CSMD1: variants seen among roughly 807,000 people sequenced by gnomAD.
The protein encoded by CSMD1 is CUB and sushi domain-containing protein 1.
A neutral mutation model predicts 417.5 loss-of-function variants in CSMD1; 213 were observed. The observed-to-expected ratio is 0.51, with a 90% CI of 0.46 to 0.57. The LOEUF is 0.57. Among genes scored for constraint, CSMD1 ranks in the 20% least tolerant of loss-of-function variants. CSMD1 has a pLI of 0.00. For synonymous variants in CSMD1, 2,862 were observed against 1,736.8 expected (o/e 1.65, Z -16.11); for missense variants, 6,923 against 4,529.7 (o/e 1.53, Z -15.17).
chr8:4,116,009 TTTATTTATGGAGAG>T (rs1802119832), intron 3 of CSMD1, among the ~76,000 whole-genome samples: 2 of 117,036 alleles, frequency 1.7e-5, no homozygotes, highest in African/African-American at 6.2e-5. Flanking sequence ...TATTTATTTA[TTTATTTATGGAGAG>T]GGAGTCTCAC....
chr8:2,979,191 G>A (rs1805193543), intron 54 of CSMD1, among the ~76,000 whole-genome samples: 1 of 151,986 alleles, frequency 6.6e-6, no homozygotes, highest in Non-Finnish European at 1.5e-5. Context: ...TGGCACACCA[G>A]TTAATTACCC....
intron 1 of CSMD1, among the ~76,000 whole-genome samples, chr8:4,751,073 T>C (rs754090239): frequency 6.6e-5 from 10 of 152,172 alleles, no homozygotes; most frequent in African/African-American, 2.4e-4. Flanking sequence ...AAGTTTGATA[T>C]ACATGTGCAT....
At chr8:3,428,897 G>A (rs191666923) in intron 12 of CSMD1, among the ~76,000 whole-genome samples, 1 of 152,326 alleles carries the variant, frequency 6.6e-6, no homozygotes, top group East Asian at 1.9e-4. Context: ...CAACACGGAT[G>A]AGCCTGAAGG....
intron 1 of CSMD1, among the ~76,000 whole-genome samples, chr8:4,772,205 T>C (rs1796636000): frequency 1.3e-5 from 2 of 152,132 alleles, no homozygotes; most frequent in African/African-American, 4.8e-5. Flanking sequence ...CGCATCATTC[T>C]CTGCTTCCAG....
In CSMD1 at chr8:3,951,078, G is replaced by C. The variant is rs149394908; in HGVS notation, c.818+46825C>G. On this transcript the variant is annotated intron_variant, in intron 5 of 69. Transcript: ENST00000635120. ...TTTCAACTATTTGAAAATAATACTT[G>C]AATTTTATACATTAATCTGAAAGAA... Among the ~76,000 whole-genome samples the C allele has an allele frequency of 2.0e-4, 30 of 152,304 alleles. No homozygotes were observed. In the East Asian group the frequency reaches 5.0e-3, roughly 26 times the overall value.
At chr8:4,803,970 T>C (rs1259338634) in intron 1 of CSMD1, among the ~76,000 whole-genome samples, 2 of 152,184 alleles carry the variant, frequency 1.3e-5, no homozygotes, top group Admixed American at 6.5e-5. Flanking sequence ...TACAGATGTA[T>C]CGTAAGTCAA....
chr8:4,893,041 G>C (rs1399595860), intron 1 of CSMD1, among the ~76,000 whole-genome samples: 1 of 152,118 alleles, frequency 6.6e-6, no homozygotes, highest in Non-Finnish European at 1.5e-5. Context: ...ATGTCAAACT[G>C]ACTTCCAGGA....
chr8:3,581,987 G>C (rs557638822), intron 9 of CSMD1, among the ~76,000 whole-genome samples: 3 of 152,270 alleles, frequency 2.0e-5, no homozygotes, highest in South Asian at 2.1e-4. Flanking sequence ...CAGAGACAGA[G>C]TTTCACTATG....
chr8:3,620,930 T>C (rs879827644), intron 7 of CSMD1, among the ~76,000 whole-genome samples: 36 of 152,166 alleles, frequency 2.4e-4, no homozygotes, highest in African/African-American at 7.5e-4. Flanking sequence ...TACCTCACAA[T>C]TGACTGTATT....
At chr8:3,620,553 G>C (rs1162267677) in intron 7 of CSMD1, among the ~76,000 whole-genome samples, 1 of 152,034 alleles carries the variant, frequency 6.6e-6, no homozygotes, top group Non-Finnish European at 1.5e-5. Context: ...AAGGATTGAA[G>C]TTTTCGTATA....
intron 25 of CSMD1, among the ~76,000 whole-genome samples, chr8:3,301,277 T>A (rs1413991046): frequency 6.6e-6 from 1 of 151,698 alleles, no homozygotes; most frequent in East Asian, 1.9e-4. Context: ...ACCTGGTGAG[T>A]TAGGAGGGTC....
chr8:4,570,115 T>A (rs756546516), intron 2 of CSMD1, among the ~76,000 whole-genome samples: 1 of 152,174 alleles, frequency 6.6e-6, no homozygotes, highest in Admixed American at 6.5e-5. Context: ...CTCTTCCTAA[T>A]TGAATACTCT....
At chr8:2,999,818 T>C (rs571580186) in intron 53 of CSMD1, 140 bp downstream of exon 53, 165 of 687,138 alleles carry the variant, frequency 2.4e-4, no homozygotes, top group Middle Eastern at 1.9e-3. Context: ...TCCTGTTCTC[T>C]TTCTTTGTAT....
chr8:3,683,713 T>G (rs1231962276), intron 7 of CSMD1, among the ~76,000 whole-genome samples: 1 of 152,148 alleles, frequency 6.6e-6, no homozygotes, highest in Non-Finnish European at 1.5e-5. Context: ...AGGCTCAAGC[T>G]CCTACAACTA....
At chr8:3,958,155 C>T (rs965871916) in intron 5 of CSMD1, among the ~76,000 whole-genome samples, 1 of 152,118 alleles carries the variant, frequency 6.6e-6, no homozygotes, top group Non-Finnish European at 1.5e-5. Context: ...GCATTCTGTC[C>T]TTCTGGCAAG....
intron 3 of CSMD1, among the ~76,000 whole-genome samples, chr8:4,264,572 T>C (rs1306589971): frequency 6.6e-6 from 1 of 152,126 alleles, no homozygotes; most frequent in Non-Finnish European, 1.5e-5. Context: ...AGCATTTTAT[T>C]ATGGAAGACT....
intron 12 of CSMD1, among the ~76,000 whole-genome samples, chr8:3,467,069 G>T (rs1365730448): frequency 6.6e-6 from 1 of 152,022 alleles, no homozygotes; most frequent in Non-Finnish European, 1.5e-5. Flanking sequence ...GCCATCTCAG[G>T]GTGGCTACTG....
chr8:4,691,866 C>T (rs1435605034), intron 1 of CSMD1, among the ~76,000 whole-genome samples: 1 of 152,216 alleles, frequency 6.6e-6, no homozygotes, highest in African/African-American at 2.4e-5. Flanking sequence ...ACTTCTCAAA[C>T]ACACTCCTGT....
intron 1 of CSMD1, among the ~76,000 whole-genome samples, chr8:4,789,647 G>T (rs539504619): frequency 6.6e-6 from 1 of 152,130 alleles, no homozygotes; most frequent in African/African-American, 2.4e-5. Context: ...TTGAATGCTG[G>T]CATACTAGCT....
Sources: allele counts gnomAD v4.1 joint callset (sites outside exome capture counted in the v4.1 genomes callset), GRCh38; gene constraint gnomAD v4.1.1; transcripts MANE v1.5; gene names NCBI Gene and HGNC (gene_info 2026-07-23, HGNC 2026-07-21).